The following MCC variants were observed in gnomAD, a reference collection of about 807,000 sequenced individuals.
MCC encodes the protein MCC regulator of Wnt signaling pathway.
MCC carries 90 observed loss-of-function variants against 116.2 expected under a neutral mutation model. The ratio of observed to expected loss-of-function variants is 0.77; its 90% confidence interval spans 0.65 to 0.92. MCC has a LOEUF of 0.92. Ranked by LOEUF, MCC falls within the 40% of genes least tolerant of loss-of-function variation. The pLI is 0.00. For synonymous variants in MCC, 578 were observed against 510.5 expected (o/e 1.13, Z -1.78); for missense variants, 1,516 against 1,312.2 (o/e 1.16, Z -2.40).
At chr5:113,210,128 T>TAA (rs1374098787) in intron 3 of MCC, among the ~76,000 whole-genome samples, 1 of 152,100 alleles carries the variant, frequency 6.6e-6, no homozygotes, top group Non-Finnish European at 1.5e-5. Context: ...AGCACAGGGA[T>TAA]AAAGTAGGGC....
intron 5 of MCC, among the ~76,000 whole-genome samples, chr5:113,138,686 G>C (rs1161796465): frequency 6.6e-6 from 1 of 152,166 alleles, no homozygotes; most frequent in East Asian, 1.9e-4. Flanking sequence ...CTAAGTCCCT[G>C]CTCTGACTTG....
intron 3 of MCC, among the ~76,000 whole-genome samples, chr5:113,270,490 C>T (rs1250256622): frequency 1.3e-5 from 2 of 151,270 alleles, no homozygotes; most frequent in Admixed American, 6.6e-5. Flanking sequence ...ATAAAGCACT[C>T]AGCCTAGTCC....
intron 3 of MCC, among the ~76,000 whole-genome samples, chr5:113,220,074 T>TTTTTTTTTTG (rs1186412878): frequency 1.4e-5 from 1 of 71,924 alleles, no homozygotes; most frequent in East Asian, 7.2e-4. Flanking sequence ...TTTTTTTTTT[T>TTTTTTTTTTG]TGAGACGGAG....
At chr5:113,084,314 C>T (rs746794898) in intron 9 of MCC, 124 bp from the exon 10 acceptor site, 2 of 709,618 alleles carry the variant, frequency 2.8e-6, no homozygotes, top group Admixed American at 2.5e-5. Flanking sequence ...AACTTAAGAA[C>T]AGCTCACGTC....
chr5:113,091,883 G>GACACAC (rs149076453), intron 8 of MCC, among the ~76,000 whole-genome samples: 13,442 of 149,794 alleles, frequency 0.09, 1,502 homozygotes, highest in African/African-American at 0.26. Context: ...ATGAGACTCA[G>GACACAC]ACACACACAC....
intron 4 of MCC, among the ~76,000 whole-genome samples, chr5:113,148,251 C>T (rs1759645603): frequency 6.6e-6 from 1 of 152,184 alleles, no homozygotes; most frequent in African/African-American, 2.4e-5. Flanking sequence ...CTGTTTTCAG[C>T]CAGTAAGTTT....
intron 4 of MCC, among the ~76,000 whole-genome samples, chr5:113,150,613 T>G (rs543355251): frequency 6.6e-6 from 1 of 151,224 alleles, no homozygotes; most frequent in Non-Finnish European, 1.5e-5. Flanking sequence ...AAACAACACA[T>G]AATACCCCAA....
intron 1 of MCC, among the ~76,000 whole-genome samples, chr5:113,466,623 G>C (rs1453187632): frequency 6.6e-6 from 1 of 152,024 alleles, no homozygotes; most frequent in East Asian, 1.9e-4. Context: ...TTGCTATTGT[G>C]AATAGTGCTG....
chr5:113,368,679 C>T (rs1768763235), intron 2 of MCC, among the ~76,000 whole-genome samples: 2 of 151,862 alleles, frequency 1.3e-5, no homozygotes, highest in Admixed American at 1.3e-4. Context: ...ATTTCTGTGA[C>T]CAAATATGTG....
At chr5:113,374,482 C>T (rs1200536528) in intron 2 of MCC, among the ~76,000 whole-genome samples, 5 of 152,096 alleles carry the variant, frequency 3.3e-5, no homozygotes, top group Admixed American at 3.3e-4. Flanking sequence ...GTCTCTTCCA[C>T]CAGAGTATGC....
chr5:113,290,693 G>A lies in MCC; in HGVS notation c.627+49826C>T, dbSNP rs148467171. On this transcript the variant is annotated intron_variant, in intron 3 of 18. Coordinates refer to ENST00000408903, the MANE Select transcript of MCC (RefSeq NM_001085377.2). ...AGCTAACTGCTGATCTAAAAGTCAC[G>A]ACCACGAAGAATATGCCAGAGCTGT... Among the ~76,000 whole-genome samples the A allele has an allele frequency of 4.2e-3, 633 of 152,252 alleles. 5 individuals carry two copies. Among genetic ancestry groups the A allele is most frequent in the African/African-American group, 0.014 (583 of 41,550 alleles).
rs1755040706 is a variant in MCC at position 113,084,113 on chromosome 5, G to A, written c.1623C>T (p.Ile541=). The A allele has an allele frequency of 6.2e-7, 1 of 1,614,036 alleles. No homozygotes were observed. Among genetic ancestry groups the A allele is most frequent in the Non-Finnish European group, 8.5e-7 (1 of 1,179,936 alleles). Residue 541 remains isoleucine (I), a synonymous_variant, in exon 10 of 19, where the codon ATC becomes ATT. Coordinates refer to ENST00000408903, the MANE Select transcript of MCC (RefSeq NM_001085377.2). ...CATGAACACTCACCCCTATGCTACT[G>A]ATTTCTGAGCCCAGGACTGGCCGAT... is the stretch of plus-strand genomic sequence containing the variant. ...SSDRPVLGSE[I]SSIGVSSSVA...
intron 14 of MCC, among the ~76,000 whole-genome samples, chr5:113,054,970 G>A (rs1752730580): frequency 6.6e-6 from 1 of 152,228 alleles, no homozygotes; most frequent in South Asian, 2.1e-4. Flanking sequence ...TGAGGCCAGT[G>A]TGCACCGACA....
At chr5:113,250,617 A>T (rs1050051872) in intron 3 of MCC, among the ~76,000 whole-genome samples, 1 of 151,936 alleles carries the variant, frequency 6.6e-6, no homozygotes, top group African/African-American at 2.4e-5. Flanking sequence ...GAATCCTAAC[A>T]TCAATCACAA....
intron 3 of MCC, among the ~76,000 whole-genome samples, chr5:113,184,472 G>GTTTTTTTTTTTTTT (rs200787776): frequency 3.2e-4 from 40 of 123,770 alleles, no homozygotes; most frequent in Non-Finnish European, 4.4e-4. Context: ...TTCTTTCTTC[G>GTTTTTTTTTTTTTT]TTTTTTGTTT....
chr5:113,367,388 A>G (rs1242176794), intron 2 of MCC, among the ~76,000 whole-genome samples: 1 of 143,764 alleles, frequency 7.0e-6, no homozygotes, highest in Admixed American at 6.8e-5. Context: ...TAAGATGTAC[A>G]TATATTCCAT....
intron 3 of MCC, among the ~76,000 whole-genome samples, chr5:113,207,979 T>A (rs1208900899): frequency 6.6e-6 from 1 of 152,038 alleles, no homozygotes; most frequent in Non-Finnish European, 1.5e-5. Context: ...AAGAGGGAAA[T>A]TATCCAGCTA....
chr5:113,086,225 A>G (rs1354374679), intron 8 of MCC, among the ~76,000 whole-genome samples: 1 of 152,242 alleles, frequency 6.6e-6, no homozygotes, highest in Non-Finnish European at 1.5e-5. Flanking sequence ...AGTCATCCAG[A>G]GAAAGCTGAA....
chr5:113,126,007 A>C (rs996462990), intron 5 of MCC, among the ~76,000 whole-genome samples: 2 of 152,234 alleles, frequency 1.3e-5, no homozygotes, highest in Non-Finnish European at 2.9e-5. Flanking sequence ...ATAAATGTTG[A>C]AAGTGACACT....
Sources: allele counts gnomAD v4.1 joint callset (sites outside exome capture counted in the v4.1 genomes callset), GRCh38; gene constraint gnomAD v4.1.1; transcripts MANE v1.5; gene names NCBI Gene and HGNC (gene_info 2026-07-23, HGNC 2026-07-21).